The following MAGI2 variants were observed in gnomAD, a reference collection of about 807,000 sequenced individuals.
MAGI2 encodes membrane-associated guanylate kinase, WW and PDZ domain-containing protein 2.
Under a neutral mutation model 133.3 loss-of-function variants are expected in MAGI2, and 35 were observed. The ratio of observed to expected loss-of-function variants is 0.26; its 90% CI spans 0.20 to 0.35. The LOEUF is 0.35. MAGI2 is among the 10% of genes least tolerant of loss of function. The pLI, the probability that MAGI2 is intolerant of heterozygous loss-of-function variation, is 1.00. For synonymous variants in MAGI2, 729 were observed against 710.6 expected (o/e 1.03, Z -0.41); for missense variants, 1,636 against 1,863.4 (o/e 0.88, Z 2.25).
At chr7:78,482,039 C>T (rs895928743) in intron 6 of MAGI2, among the ~76,000 whole-genome samples, 8 of 151,836 alleles carry the variant, frequency 5.3e-5, no homozygotes, top group African/African-American at 9.7e-5. Flanking sequence ...AACATGTATA[C>T]ATAAGGAACT....
intron 6 of MAGI2, among the ~76,000 whole-genome samples, chr7:78,380,020 C>T (rs1255121460): frequency 2.6e-5 from 4 of 151,662 alleles, no homozygotes; most frequent in Admixed American, 2.6e-4. Context: ...ATCTGTAGCA[C>T]ACAATTAAAA....
chr7:78,879,370 G>C (rs1009596915), intron 2 of MAGI2, among the ~76,000 whole-genome samples: 5 of 152,086 alleles, frequency 3.3e-5, no homozygotes, highest in African/African-American at 1.2e-4. Context: ...ATCTATGTTG[G>C]CTGCCTCTCT....
At chr7:78,318,140 G>C (rs2151113133) in intron 9 of MAGI2, among the ~76,000 whole-genome samples, 1 of 152,308 alleles carries the variant, frequency 6.6e-6, no homozygotes, top group South Asian at 2.1e-4. Context: ...ATTGACAGAA[G>C]TAGGCTTCAG....
chr7:79,370,646 C>CT (rs58805216), intron 1 of MAGI2, among the ~76,000 whole-genome samples: 1,584 of 149,256 alleles, frequency 0.011, 18 homozygotes, highest in African/African-American at 0.036. Context: ...TCCATTAGTT[C>CT]TTTTTTTTTT....
chr7:78,433,574 G>C (rs1422054164), intron 6 of MAGI2, among the ~76,000 whole-genome samples: 1 of 152,006 alleles, frequency 6.6e-6, no homozygotes, highest in Non-Finnish European at 1.5e-5. Context: ...GTCCCAATCA[G>C]AACAGCATAA....
chr7:79,102,463 A>T (rs1818066321), intron 1 of MAGI2, among the ~76,000 whole-genome samples: 1 of 152,214 alleles, frequency 6.6e-6, no homozygotes, highest in South Asian at 2.1e-4. Context: ...CAAAATCCAT[A>T]ACACTTTGCC....
At chr7:78,684,424 T>G (rs1003592222) in intron 2 of MAGI2, among the ~76,000 whole-genome samples, 4 of 152,188 alleles carry the variant, frequency 2.6e-5, no homozygotes, top group African/African-American at 7.2e-5. Flanking sequence ...CACTTTCCTT[T>G]GTATGACTGG....
intron 9 of MAGI2, among the ~76,000 whole-genome samples, chr7:78,299,045 T>C (rs1345980694): frequency 6.6e-6 from 1 of 152,022 alleles, no homozygotes; most frequent in Non-Finnish European, 1.5e-5. Context: ...TTGAAACTCC[T>C]GACTTCAGGA....
At chr7:78,627,551 C>T (rs1808501084) in intron 2 of MAGI2, among the ~76,000 whole-genome samples, 1 of 152,170 alleles carries the variant, frequency 6.6e-6, no homozygotes, top group African/African-American at 2.4e-5. Context: ...GATATTGAGC[C>T]AGCAGTCTGC....
chr7:78,630,166 T>C (rs1057170092), intron 2 of MAGI2, among the ~76,000 whole-genome samples: 2 of 151,966 alleles, frequency 1.3e-5, no homozygotes, highest in African/African-American at 4.8e-5. Context: ...CCCAAATCTC[T>C]AAATACTTTA....
intron 13 of MAGI2, among the ~76,000 whole-genome samples, chr7:78,184,957 C>T (rs1002028217): frequency 7.2e-5 from 11 of 152,092 alleles, no homozygotes; most frequent in African/African-American, 1.2e-4. Flanking sequence ...ATTTCTAATC[C>T]GTTCTTTGGA....
intron 2 of MAGI2, among the ~76,000 whole-genome samples, chr7:78,910,990 G>A (rs2151614487): frequency 6.6e-6 from 1 of 152,276 alleles, no homozygotes; most frequent in East Asian, 1.9e-4. Flanking sequence ...GTTTTAGTAA[G>A]TTGCCTTGTA....
chr7:78,458,913 C>A (rs775635631), intron 6 of MAGI2, among the ~76,000 whole-genome samples: 1 of 152,078 alleles, frequency 6.6e-6, no homozygotes, highest in African/African-American at 2.4e-5. Context: ...GGATTACAGG[C>A]GTGAGCCACT....
Position 78,545,859 on chromosome 7 carries a change from CAAAGG to C in MAGI2, c.539-24219_539-24215del, listed in dbSNP as rs1047554088. Among the ~76,000 whole-genome samples the C allele has an allele frequency of 5.3e-5, 8 of 152,036 alleles. No individual in the cohort carries two copies. In the East Asian group the frequency reaches 1.5e-3, roughly 29 times the overall value. ...TATGGTGTTTATAATCCCTACCTTT[CAAAGG>C]AAAAAATAAAATGCATTAACTTTAT... On this transcript the variant is annotated intron_variant, in intron 3 of 21. Transcript: ENST00000354212.
intron 21 of MAGI2, chr7:78,065,486 G>A (rs1460720059): frequency 1.7e-6 from 1 of 580,898 alleles, no homozygotes. Flanking sequence ...AAGCTACTAT[G>A]AAAGAGAAAG....
chr7:78,550,940 T>G, intron 3 of MAGI2, among the ~76,000 whole-genome samples: 1 of 152,202 alleles, frequency 6.6e-6, no homozygotes, highest in East Asian at 1.9e-4. Context: ...CTTTTAAAAT[T>G]GATTTTTTTA....
intron 1 of MAGI2, among the ~76,000 whole-genome samples, chr7:79,256,949 A>G (rs2129556101): frequency 6.6e-6 from 1 of 152,300 alleles, no homozygotes; most frequent in Admixed American, 6.5e-5. Flanking sequence ...TCAGTTAGAA[A>G]GGAGTAAGTT....
intron 2 of MAGI2, among the ~76,000 whole-genome samples, chr7:78,859,338 T>C (rs1234039972): frequency 2.0e-5 from 3 of 152,130 alleles, no homozygotes; most frequent in African/African-American, 7.2e-5. Context: ...CTAGCATCGA[T>C]GGTCTTTACA....
chr7:78,137,249 G>A (rs935483063), intron 16 of MAGI2, among the ~76,000 whole-genome samples: 1 of 152,142 alleles, frequency 6.6e-6, no homozygotes, highest in Non-Finnish European at 1.5e-5. Context: ...GCCATAATGT[G>A]TATATTGTTA....
Sources: gnomAD v4.1 joint callset for allele counts (sites outside exome capture counted in the v4.1 genomes callset) on GRCh38, gnomAD v4.1.1 for gene constraint, MANE v1.5 for transcripts, NCBI Gene and HGNC (gene_info 2026-07-23, HGNC 2026-07-21) for gene names.